DLG2: variants seen among roughly 807,000 people sequenced by gnomAD.
DLG2 encodes the protein discs large MAGUK scaffold protein 2.
DLG2 carries 45 observed loss-of-function variants against 132.5 expected under a neutral mutation model. The observed-to-expected ratio is 0.34, with a 90% CI of 0.27 to 0.44. The LOEUF (loss-of-function observed/expected upper bound fraction) is 0.44, where lower values mean the gene tolerates loss of function less well. Among genes scored for constraint, DLG2 ranks in the 20% least tolerant of loss-of-function variants. The pLI is 1.00. For synonymous variants in DLG2, 424 were observed against 419.6 expected (o/e 1.01, Z -0.13); for missense variants, 1,045 against 1,196.9 (o/e 0.87, Z 1.87).
intron 19 of DLG2, among the ~76,000 whole-genome samples, chr11:83,580,196 T>C (rs1298049215): frequency 1.3e-5 from 2 of 152,130 alleles, no homozygotes; most frequent in Non-Finnish European, 2.9e-5. Flanking sequence ...ATTTGCAACA[T>C]CATTGTACTC....
intron 18 of DLG2, among the ~76,000 whole-genome samples, chr11:83,778,150 T>TAGTC (rs5793087): frequency 0.65 from 98,549 of 151,598 alleles, 33,619 homozygotes; most frequent in African/African-American, 0.86. Flanking sequence ...TCTTGCTTTA[T>TAGTC]AGTCCTCTTT....
At chr11:84,215,022 T>G (rs564334502) in intron 8 of DLG2, among the ~76,000 whole-genome samples, 1 of 152,328 alleles carries the variant, frequency 6.6e-6, no homozygotes, top group East Asian at 1.9e-4. Flanking sequence ...AAATAATGAC[T>G]GTCTTAGAGT....
chr11:84,928,982 G>GTGTGTGTGTGTGTATATATA (rs1400906684), intron 6 of DLG2, among the ~76,000 whole-genome samples: 8 of 49,116 alleles, frequency 1.6e-4, no homozygotes, highest in Non-Finnish European at 2.1e-4. Context: ...GTGTGTGTGT[G>GTGTGTGTGTGTGTATATATA]TATATATATA....
rs1479480510 is a variant in DLG2 at position 84,754,748 on chromosome 11, G to A, written c.358-220017C>T. On this transcript the variant is annotated intron_variant, in intron 6 of 27. Coordinates refer to ENST00000376104, the MANE Select transcript of DLG2 (RefSeq NM_001142699.3). ...ACACGTTTGTTGAAACCCACAGAAT[G>A]TGCAAAACCAAGAGTAAACCTTAGC... is the stretch of plus-strand genomic sequence containing the variant. 5.3e-5 allele frequency among the ~76,000 whole-genome samples: 8 copies of A among 152,150 alleles called. 1 individual carries two copies. Among genetic ancestry groups the A allele is most frequent in the Admixed American group, 3.3e-4 (5 of 15,258 alleles).
chr11:84,944,276 C>T (rs1161908073), intron 6 of DLG2, among the ~76,000 whole-genome samples: 1 of 152,166 alleles, frequency 6.6e-6, no homozygotes, highest in Non-Finnish European at 1.5e-5. Context: ...TCTTTCTCTA[C>T]ATTTGGGAAG....
At chr11:84,656,205 C>A (rs2099688034) in intron 6 of DLG2, among the ~76,000 whole-genome samples, 1 of 152,088 alleles carries the variant, frequency 6.6e-6, no homozygotes, top group Non-Finnish European at 1.5e-5. Context: ...GCATTCAGTT[C>A]CAATTTATCA....
intron 3 of DLG2, among the ~76,000 whole-genome samples, chr11:85,405,720 T>C (rs2088662750): frequency 6.6e-6 from 1 of 151,944 alleles, no homozygotes; most frequent in South Asian, 2.1e-4. Flanking sequence ...CAGTAGTAGG[T>C]TCTAACACAA....
intron 4 of DLG2, among the ~76,000 whole-genome samples, chr11:85,208,688 G>A (rs1225057854): frequency 1.3e-5 from 2 of 152,092 alleles, no homozygotes; most frequent in Non-Finnish European, 2.9e-5. Context: ...ATGAATTTCA[G>A]TTAAGGGACT....
At chr11:84,242,850 G>C (rs2097250825) in intron 8 of DLG2, among the ~76,000 whole-genome samples, 1 of 152,094 alleles carries the variant, frequency 6.6e-6, no homozygotes, top group African/African-American at 2.4e-5. Context: ...CATGAGAACA[G>C]GGATCATGTC....
chr11:83,851,385 G>A (rs1162520340), intron 16 of DLG2, among the ~76,000 whole-genome samples: 1 of 152,054 alleles, frequency 6.6e-6, no homozygotes, highest in Non-Finnish European at 1.5e-5. Context: ...AGCACTTTGG[G>A]AGTCCAAGGC....
chr11:83,740,814 T>C (rs546486205), intron 18 of DLG2, among the ~76,000 whole-genome samples: 6 of 152,336 alleles, frequency 3.9e-5, no homozygotes, highest in African/African-American at 1.4e-4. Context: ...CATTGCTGTA[T>C]GCTTTTGCCA....
At chr11:84,952,205 T>C (rs1940128) in intron 6 of DLG2, among the ~76,000 whole-genome samples, 18,748 of 152,294 alleles carry the variant, frequency 0.12, 1,280 homozygotes, top group South Asian at 0.22. Flanking sequence ...TCACTGCCTC[T>C]AATGTGCCCC....
intron 26 of DLG2, among the ~76,000 whole-genome samples, chr11:83,464,715 G>A (rs1412592332): frequency 1.3e-5 from 2 of 152,234 alleles, no homozygotes; most frequent in African/African-American, 4.8e-5. Flanking sequence ...TGGAATGCCA[G>A]ATGGGACTGT....
intron 6 of DLG2, among the ~76,000 whole-genome samples, chr11:84,784,670 A>C (rs1458863999): frequency 6.6e-6 from 1 of 152,058 alleles, no homozygotes; most frequent in Non-Finnish European, 1.5e-5. Flanking sequence ...ACCAACAAAA[A>C]TTCTTTAAAA....
chr11:84,213,799 A>G (rs982770650), intron 8 of DLG2, among the ~76,000 whole-genome samples: 106 of 147,882 alleles, frequency 7.2e-4, no homozygotes, highest in Non-Finnish European at 1.2e-3. Flanking sequence ...AGCCTGGGTG[A>G]CAGAGCGAGA....
intron 6 of DLG2, among the ~76,000 whole-genome samples, chr11:84,803,030 C>T (rs1401371402): frequency 6.6e-6 from 1 of 152,092 alleles, no homozygotes; most frequent in Non-Finnish European, 1.5e-5. Flanking sequence ...AATCTCCTGA[C>T]CCTCGTGATC....
chr11:84,855,657 G>C (rs2082689560), intron 6 of DLG2, among the ~76,000 whole-genome samples: 1 of 152,036 alleles, frequency 6.6e-6, no homozygotes, highest in South Asian at 2.1e-4. Flanking sequence ...GAAGAATTAT[G>C]CATGAGTTAG....
intron 9 of DLG2, among the ~76,000 whole-genome samples, chr11:84,136,430 G>A (rs1338508213): frequency 6.6e-6 from 1 of 152,072 alleles, no homozygotes; most frequent in Non-Finnish European, 1.5e-5. Context: ...ACATAATGGA[G>A]GCTTCAGTAG....
intron 7 of DLG2, among the ~76,000 whole-genome samples, chr11:84,349,580 G>A (rs1043977456): frequency 2.0e-5 from 3 of 152,074 alleles, no homozygotes; most frequent in Admixed American, 1.3e-4. Flanking sequence ...TGCTTTGCAC[G>A]GTCATGTACA....
Sources: allele counts gnomAD v4.1 joint callset (sites outside exome capture counted in the v4.1 genomes callset), GRCh38; gene constraint gnomAD v4.1.1; transcripts MANE v1.5; gene names NCBI Gene and HGNC (gene_info 2026-07-23, HGNC 2026-07-21).